The following MCU variants were observed in gnomAD, a reference collection of about 807,000 sequenced individuals.
The protein encoded by MCU is calcium uniporter protein, mitochondrial.
A neutral mutation model predicts 45.2 loss-of-function variants in MCU; 12 were observed. The observed-to-expected ratio is 0.27, with a 90% confidence interval of 0.17 to 0.43. The LOEUF is 0.43. Ranked by LOEUF, MCU falls within the 20% of genes least tolerant of loss-of-function variation. The pLI is 1.00. For missense variants in MCU, 324 were observed against 436.7 expected (o/e 0.74, Z 2.30); for synonymous variants, 160 against 165.1 (o/e 0.97, Z 0.24).
intron 1 of MCU, among the ~76,000 whole-genome samples, chr10:72,754,416 T>C (rs984433759): frequency 6.6e-6 from 1 of 152,186 alleles, no homozygotes; most frequent in Non-Finnish European, 1.5e-5. Context: ...ATCAGTATTT[T>C]CCTCCTTCTA....
chr10:72,839,331 A>G (rs1300667544), intron 2 of MCU, among the ~76,000 whole-genome samples: 2 of 151,950 alleles, frequency 1.3e-5, no homozygotes, highest in East Asian at 3.9e-4. Flanking sequence ...TTGTCAGTTG[A>G]TAGGGTAGCA....
chr10:72,704,777 C>T lies in MCU; in HGVS notation c.150+12476C>T, dbSNP rs190587807. 2.9e-3 allele frequency among the ~76,000 whole-genome samples: 422 copies of T among 143,868 alleles called. 3 individuals are homozygous for T. Among genetic ancestry groups the T allele is most frequent in the African/African-American group, 0.01 (398 of 38,400 alleles). The allele number at this position is 143,868 out of a possible 152,430, so 94.4% of individuals were successfully genotyped here. ...TAGCCCAGGCTGGAGTGCAGTGGCG[C>T]GATCTCGACTCACTGCAACCTCCAC... On this transcript the variant is annotated intron_variant, in intron 1 of 7. Coordinates refer to ENST00000373053, the MANE Select transcript of MCU (RefSeq NM_138357.3).
chr10:72,749,543 TG>T (rs1217108807), intron 1 of MCU, among the ~76,000 whole-genome samples: 1 of 152,188 alleles, frequency 6.6e-6, no homozygotes, highest in African/African-American at 2.4e-5. Context: ...GACTTGTGTT[TG>T]TAAGGACTGC....
chr10:72,811,111 G>T (rs1461768976), intron 1 of MCU, among the ~76,000 whole-genome samples: 1 of 152,192 alleles, frequency 6.6e-6, no homozygotes, highest in East Asian at 1.9e-4. Context: ...GTCACCCTTT[G>T]AACCAAAATA....
At chr10:72,704,083 G>A (rs1005521738) in intron 1 of MCU, among the ~76,000 whole-genome samples, 3 of 152,186 alleles carry the variant, frequency 2.0e-5, no homozygotes, top group Non-Finnish European at 4.4e-5. Context: ...AGCCTCTGAA[G>A]AATTTCAAGT....
intron 6 of MCU, among the ~76,000 whole-genome samples, chr10:72,875,998 C>T (rs561368008): frequency 3.3e-5 from 5 of 152,220 alleles, no homozygotes; most frequent in Non-Finnish European, 7.4e-5. Flanking sequence ...GTATATTAAA[C>T]CTCCTGTGGG....
intron 1 of MCU, among the ~76,000 whole-genome samples, chr10:72,783,253 A>G (rs1844022373): frequency 6.6e-6 from 1 of 152,232 alleles, no homozygotes. Flanking sequence ...TAGAGCCTCC[A>G]GATACTTTAA....
chr10:72,728,691 G>C (rs948180716), intron 1 of MCU, among the ~76,000 whole-genome samples: 3 of 152,120 alleles, frequency 2.0e-5, no homozygotes. Flanking sequence ...TATAGTATGA[G>C]ATAACACTGG....
intron 2 of MCU, among the ~76,000 whole-genome samples, chr10:72,845,440 CA>C (rs1267288687): frequency 6.6e-6 from 1 of 152,086 alleles, no homozygotes; most frequent in Non-Finnish European, 1.5e-5. Flanking sequence ...TGAATAACAA[CA>C]ATGTTTCAGT....
intron 2 of MCU, among the ~76,000 whole-genome samples, chr10:72,858,245 T>C (rs1395786674): frequency 6.6e-6 from 1 of 152,180 alleles, no homozygotes; most frequent in Non-Finnish European, 1.5e-5. Flanking sequence ...AATGTGTGTA[T>C]GCACAACTGA....
intron 1 of MCU, among the ~76,000 whole-genome samples, chr10:72,799,785 T>A (rs1844311929): frequency 6.6e-6 from 1 of 152,226 alleles, no homozygotes; most frequent in Non-Finnish European, 1.5e-5. Context: ...CTTTTTTTTA[T>A]GTCATTGGCC....
chr10:72,740,295 C>T lies in MCU; in HGVS notation c.150+47994C>T, dbSNP rs1843308905. Among the ~76,000 whole-genome samples the T allele has an allele frequency of 1.3e-5, 2 of 151,442 alleles. 1 individual carries two copies. Among genetic ancestry groups the T allele is most frequent in the South Asian group, 4.2e-4 (2 of 4,810 alleles). On this transcript the variant is annotated intron_variant, in intron 1 of 7. Coordinates refer to ENST00000373053, the MANE Select transcript of MCU (RefSeq NM_138357.3). ...TCAGGAGGCTGAGGCAGGGGAATTG[C>T]TTGAACCCGGGAGGCAGAGATTGCA...
At chr10:72,865,937 T>C (rs910758481) in intron 4 of MCU, among the ~76,000 whole-genome samples, 67 of 151,602 alleles carry the variant, frequency 4.4e-4, no homozygotes, top group African/African-American at 7.8e-4. Context: ...CCACCATGCC[T>C]GGCTAATTTT....
intron 1 of MCU, among the ~76,000 whole-genome samples, chr10:72,792,883 T>A (rs931843247): frequency 2.0e-5 from 3 of 152,004 alleles, no homozygotes; most frequent in African/African-American, 7.3e-5. Flanking sequence ...GCCTTTCTTT[T>A]TTTTTTTTAA....
intron 1 of MCU, among the ~76,000 whole-genome samples, chr10:72,700,128 C>T (rs1383542375): frequency 4.9e-5 from 7 of 144,082 alleles, no homozygotes; most frequent in South Asian, 2.2e-4. Context: ...GGTGTGATCT[C>T]GGCTCACTAC....
At chr10:72,833,388 C>CA (rs1279790193) in intron 1 of MCU, among the ~76,000 whole-genome samples, 2 of 152,200 alleles carry the variant, frequency 1.3e-5, no homozygotes, top group African/African-American at 4.8e-5. Flanking sequence ...GTCAGTCTTA[C>CA]ATTTCTGCAT....
chr10:72,873,957 A>T (rs1009300749), intron 6 of MCU, among the ~76,000 whole-genome samples: 1 of 152,052 alleles, frequency 6.6e-6, no homozygotes, highest in African/African-American at 2.4e-5. Flanking sequence ...TCTTTGGTCT[A>T]TGTGTCTGTT....
chr10:72,815,900 ATAAC>A (rs1225249962), intron 1 of MCU, among the ~76,000 whole-genome samples: 1 of 152,252 alleles, frequency 6.6e-6, no homozygotes, highest in Non-Finnish European at 1.5e-5. Context: ...ATAAAAATAA[ATAAC>A]AAATCAGGTG....
chr10:72,884,925 C>G (rs1350981021), intron 7 of MCU, among the ~76,000 whole-genome samples: 1 of 152,186 alleles, frequency 6.6e-6, no homozygotes, highest in Non-Finnish European at 1.5e-5. Context: ...CTCCCTCACT[C>G]TGTTATCTTT....
Sources: gnomAD v4.1 joint callset for allele counts (sites outside exome capture counted in the v4.1 genomes callset) on GRCh38, gnomAD v4.1.1 for gene constraint, MANE v1.5 for transcripts, NCBI Gene and HGNC (gene_info 2026-07-23, HGNC 2026-07-21) for gene names.